Variants in IQGAP2 observed in about 807,000 individuals in gnomAD.
The protein encoded by IQGAP2 is IQ motif containing GTPase activating protein 2, also known as ras GTPase-activating-like protein IQGAP2.
Under a neutral mutation model 201.3 loss-of-function variants are expected in IQGAP2, and 173 were observed. That is an observed-to-expected ratio of 0.86 (90% CI 0.76 to 0.98). The LOEUF (loss-of-function observed/expected upper bound fraction) is 0.98. Among genes scored for constraint, IQGAP2 ranks in the 50% least tolerant of loss-of-function variants. IQGAP2 has a pLI of 0.00. For synonymous variants in IQGAP2, 675 were observed against 673.9 expected (o/e 1.00, Z -0.03); for missense variants, 1,687 against 1,864.8 (o/e 0.90, Z 1.76).
intron 2 of IQGAP2, among the ~76,000 whole-genome samples, chr5:76,514,439 C>T (rs1758181596): frequency 6.6e-6 from 1 of 152,164 alleles, no homozygotes; most frequent in African/African-American, 2.4e-5. Flanking sequence ...TGTTTTCTCT[C>T]TCCCATTCCA....
intron 24 of IQGAP2, among the ~76,000 whole-genome samples, chr5:76,672,605 G>A (rs1325227263): frequency 6.6e-6 from 1 of 152,110 alleles, no homozygotes; most frequent in East Asian, 1.9e-4. Flanking sequence ...ACATTTGTTG[G>A]CACAGAAAAA....
At chr5:76,618,243 T>C (rs775580512) in intron 13 of IQGAP2, 11 of 1,614,032 alleles carry the variant, frequency 6.8e-6, no homozygotes, top group South Asian at 2.2e-5. Flanking sequence ...GTTGTTCCCA[T>C]TGAGATGATA....
In IQGAP2 at chr5:76,606,223, A is replaced by G. The variant is rs890537970; in HGVS notation, c.1277A>G (p.Gln426Arg). 2 of 1,605,620 alleles carry G rather than the reference A, an allele frequency of 1.2e-6. No homozygotes were observed. The highest frequency in any genetic ancestry group is 2.7e-5 in the African/African-American group (2 of 74,720). ...LLSVKLEVLS[Q>R]GQDNLSWNEI... The stretch of plus-strand genomic sequence containing the variant: ...TCTGTTAAACTAGAAGTTTTATCCC[A>G]AGGGCAAGATAACTTAAGCTGGAAT... The change falls in exon 12 of 36, where the codon CAA becomes CGA. Residue 426 changes from glutamine (Q) to arginine (R), a missense_variant. By Grantham distance (43) the Gln-to-Arg change is conservative. Coordinates refer to ENST00000274364, the MANE Select transcript of IQGAP2 (RefSeq NM_006633.5).
At chr5:76,597,331 C>G in intron 9 of IQGAP2, 108 bp from the exon 10 acceptor site, 1 of 1,087,480 alleles carries the variant, frequency 9.2e-7, no homozygotes, top group Non-Finnish European at 1.3e-6. Context: ...TTTCAGAGTT[C>G]ATGAAAAGTA....
At chr5:76,576,851 C>T (rs1319436211) in intron 5 of IQGAP2, among the ~76,000 whole-genome samples, 2 of 152,098 alleles carry the variant, frequency 1.3e-5, no homozygotes, top group African/African-American at 4.8e-5. Context: ...AGAAAAACAG[C>T]AACAGTAAAA....
Position 76,510,570 on chromosome 5 carries a change from C to T in IQGAP2, c.146+48901C>T, listed in dbSNP as rs189896334. On this transcript the variant is annotated intron_variant, in intron 2 of 35. Transcript: ENST00000274364. ...GCCAAGGTATAGAGTCTCATGGACA[C>T]GATCTGGAAGGACCCAGACAGTGTG... 5.7e-4 allele frequency: 267 copies of T among 465,884 alleles called. 1 individual carries two copies. The highest frequency in any genetic ancestry group is 4.3e-3 in the African/African-American group (216 of 49,988). 28.9% of individuals were successfully genotyped at this position (465,884 alleles called of 1,614,324 possible). A position where few individuals can be genotyped will look rare whatever the true frequency, so the allele number is the denominator to read the frequency against.
intron 2 of IQGAP2, among the ~76,000 whole-genome samples, chr5:76,503,174 C>CT (rs11297908): frequency 0.016 from 1,786 of 109,342 alleles, 58 homozygotes; most frequent in African/African-American, 0.051. Context: ...CTTTTCTTTT[C>CT]TTTTTTTTTT....
intron 2 of IQGAP2, among the ~76,000 whole-genome samples, chr5:76,536,761 C>CAAA: frequency 8.7e-6 from 1 of 115,012 alleles, no homozygotes; most frequent in East Asian, 2.5e-4. Context: ...ACTCCGTCTC[C>CAAA]AAAAAAAAAA....
At chr5:76,460,861 T>A (rs11740004) in intron 1 of IQGAP2, among the ~76,000 whole-genome samples, 19 of 28,474 alleles carry the variant, frequency 6.7e-4, no homozygotes, top group South Asian at 2.9e-3. Flanking sequence ...TGCACACTGC[T>A]TTTTTTTTTT....
chr5:76,681,546 CAG>C (rs1745296653), intron 28 of IQGAP2, among the ~76,000 whole-genome samples: 1 of 145,998 alleles, frequency 6.8e-6, no homozygotes, highest in Non-Finnish European at 1.5e-5. Flanking sequence ...AAAAAAAAAA[CAG>C]AAAATAAGTG....
intron 13 of IQGAP2, among the ~76,000 whole-genome samples, chr5:76,619,335 CAT>C: frequency 6.6e-6 from 1 of 152,200 alleles, no homozygotes; most frequent in South Asian, 2.1e-4. Flanking sequence ...CCTAAGAAAT[CAT>C]ATGTCTATTC....
intron 23 of IQGAP2, among the ~76,000 whole-genome samples, chr5:76,670,230 G>T (rs1448180857): frequency 2.0e-5 from 3 of 152,194 alleles, no homozygotes; most frequent in African/African-American, 7.2e-5. Flanking sequence ...TAAACAAAAA[G>T]GCCGGGCACG....
At chr5:76,665,840 A>G (rs1743709340) in intron 22 of IQGAP2, among the ~76,000 whole-genome samples, 1 of 152,230 alleles carries the variant, frequency 6.6e-6, no homozygotes, top group Admixed American at 6.5e-5. Flanking sequence ...CAGCCCTACT[A>G]GCACATACAG....
At chr5:76,505,499 A>G (rs1757562258) in intron 2 of IQGAP2, among the ~76,000 whole-genome samples, 1 of 152,192 alleles carries the variant, frequency 6.6e-6, no homozygotes, top group South Asian at 2.1e-4. Flanking sequence ...TAGAGAAATT[A>G]GGGAGACATT....
At chr5:76,621,210 C>T (rs571289488) in intron 13 of IQGAP2, among the ~76,000 whole-genome samples, 7 of 152,034 alleles carry the variant, frequency 4.6e-5, no homozygotes, top group African/African-American at 1.5e-4. Flanking sequence ...AGTTAGCTCC[C>T]GGGTGAAATG....
rs528015774 is a variant in IQGAP2, at chr5:76,565,158, A to G, written c.303+2606A>G. ...CTGATCTTGTGTTCTTCAGGACTGAAGCATGTCACATAGCCCTTTGCAAGG... is the reference window on the plus strand; with the variant it reads ...CTGATCTTGTGTTCTTCAGGACTGAGGCATGTCACATAGCCCTTTGCAAGG... On this transcript the variant is annotated intron_variant, in intron 3 of 35. Coordinates refer to ENST00000274364, the MANE Select transcript of IQGAP2 (RefSeq NM_006633.5). Among the ~76,000 whole-genome samples the G allele has an allele frequency of 1.3e-3, 198 of 152,326 alleles. 1 individual carries two copies. Among genetic ancestry groups the G allele is most frequent in the African/African-American group, 4.7e-3 (194 of 41,578 alleles).
chr5:76,681,972 C>G (rs1349984608), intron 28 of IQGAP2, among the ~76,000 whole-genome samples: 2 of 152,158 alleles, frequency 1.3e-5, no homozygotes, highest in Non-Finnish European at 1.5e-5. Flanking sequence ...ATGAGCCAGT[C>G]ACAAAAAGAC....
At chr5:76,581,339 T>C (rs1411031563) in intron 5 of IQGAP2, among the ~76,000 whole-genome samples, 3 of 152,244 alleles carry the variant, frequency 2.0e-5, no homozygotes, top group Non-Finnish European at 2.9e-5. Context: ...CATATTTGCA[T>C]TTATAAATAA....
At chr5:76,676,734 C>G (rs1440897322) in intron 27 of IQGAP2, among the ~76,000 whole-genome samples, 2 of 152,164 alleles carry the variant, frequency 1.3e-5, no homozygotes, top group Admixed American at 6.5e-5. Context: ...TAGACTTAAT[C>G]TCATTTTTGT....
Sources: allele counts gnomAD v4.1 joint callset (sites outside exome capture counted in the v4.1 genomes callset), GRCh38; gene constraint gnomAD v4.1.1; transcripts MANE v1.5; gene names NCBI Gene and HGNC (gene_info 2026-07-23, HGNC 2026-07-21).